VPS13B: variants seen among roughly 807,000 people sequenced by gnomAD.
VPS13B encodes the protein intermembrane lipid transfer protein VPS13B.
VPS13B carries 285 observed loss-of-function variants against 426.4 expected under a neutral mutation model. The ratio of observed to expected loss-of-function variants is 0.67; its 90% CI spans 0.61 to 0.74. The LOEUF (loss-of-function observed/expected upper bound fraction) is 0.74. Ranked by LOEUF, VPS13B falls within the 30% of genes least tolerant of loss-of-function variation. The pLI is 0.00. For missense variants in VPS13B, 4,537 were observed against 4,782.6 expected (o/e 0.95, Z 1.51); for synonymous variants, 1,676 against 1,676.4 (o/e 1.00, Z 0.01).
intron 19 of VPS13B, among the ~76,000 whole-genome samples, chr8:99,301,354 C>T (rs562044604): frequency 5.4e-5 from 8 of 147,264 alleles, no homozygotes; most frequent in South Asian, 4.3e-4. Context: ...AGTTTAATGG[C>T]GCAATCTCGG....
At chr8:99,730,611 G>C (rs968878155) in intron 39 of VPS13B, among the ~76,000 whole-genome samples, 3 of 152,104 alleles carry the variant, frequency 2.0e-5, no homozygotes, top group Non-Finnish European at 4.4e-5. Flanking sequence ...AAGGACCTGG[G>C]CTAAATGCTG....
At chr8:99,608,149 A>C (rs1295182568) in intron 33 of VPS13B, among the ~76,000 whole-genome samples, 1 of 141,930 alleles carries the variant, frequency 7.0e-6, no homozygotes, top group Non-Finnish European at 1.5e-5. Flanking sequence ...TTTTTAATCT[A>C]CTTTTTTTTT....
At chr8:99,582,944 T>C (rs971653915) in intron 33 of VPS13B, among the ~76,000 whole-genome samples, 8 of 152,348 alleles carry the variant, frequency 5.3e-5, no homozygotes, top group South Asian at 2.1e-4. Context: ...CGTGAGCCAC[T>C]GCGCCTGGCC....
intron 54 of VPS13B, among the ~76,000 whole-genome samples, chr8:99,841,342 A>G (rs1220510888): frequency 6.6e-6 from 1 of 152,302 alleles, no homozygotes; most frequent in African/African-American, 2.4e-5. Context: ...TAGACATGTC[A>G]GCCTGAAAAT....
At chr8:99,085,763 C>T (rs548124002) in intron 3 of VPS13B, among the ~76,000 whole-genome samples, 28 of 152,250 alleles carry the variant, frequency 1.8e-4, no homozygotes, top group African/African-American at 4.3e-4. Flanking sequence ...TCTTTAAGAA[C>T]GTTGAATATT....
chr8:99,875,220 A>T, intron 61 of VPS13B, 198 bp from the exon 62 acceptor site: 2 of 744,774 alleles, frequency 2.7e-6, no homozygotes, highest in Non-Finnish European at 4.5e-6. Context: ...TCTCATGCAC[A>T]ACTTTCAGTT....
chr8:99,131,607 C>G (rs1274981729), intron 8 of VPS13B, among the ~76,000 whole-genome samples: 1 of 152,064 alleles, frequency 6.6e-6, no homozygotes, highest in Non-Finnish European at 1.5e-5. Flanking sequence ...TGTTAAGTGT[C>G]CAACAGTATG....
At chr8:99,407,209 A>T (rs1319247717) in intron 21 of VPS13B, among the ~76,000 whole-genome samples, 1 of 152,214 alleles carries the variant, frequency 6.6e-6, no homozygotes, top group Non-Finnish European at 1.5e-5. Context: ...AGCCAGGGAA[A>T]CAAAGAAGAA....
At chr8:99,361,937 T>G (rs955439356) in intron 19 of VPS13B, among the ~76,000 whole-genome samples, 1 of 152,204 alleles carries the variant, frequency 6.6e-6, no homozygotes, top group Non-Finnish European at 1.5e-5. Context: ...TAGTCTCATT[T>G]TACATTTAAG....
intron 17 of VPS13B, among the ~76,000 whole-genome samples, chr8:99,252,172 T>C (rs1394541958): frequency 6.6e-6 from 1 of 152,028 alleles, no homozygotes; most frequent in Non-Finnish European, 1.5e-5. Flanking sequence ...GATTATGGAA[T>C]TAAGACTTAC....
chr8:99,417,737 C>T (rs1816108988), intron 21 of VPS13B, among the ~76,000 whole-genome samples: 1 of 152,118 alleles, frequency 6.6e-6, no homozygotes. Flanking sequence ...CACTCACTTT[C>T]TCATTATCTC....
At chr8:99,744,268 G>A (rs553877341) in intron 39 of VPS13B, among the ~76,000 whole-genome samples, 1 of 152,328 alleles carries the variant, frequency 6.6e-6, no homozygotes, top group Non-Finnish European at 1.5e-5. Context: ...ACCACAGTGA[G>A]ATACCATCTC....
At chr8:99,675,876 C>G (rs1830913279) in intron 35 of VPS13B, among the ~76,000 whole-genome samples, 1 of 151,832 alleles carries the variant, frequency 6.6e-6, no homozygotes. Context: ...ATCTGTTTTC[C>G]TGAGGCTTAT....
At chr8:99,037,733 A>G (rs933264351) in intron 2 of VPS13B, among the ~76,000 whole-genome samples, 1 of 152,160 alleles carries the variant, frequency 6.6e-6, no homozygotes, top group Admixed American at 6.5e-5. Context: ...GACATTTTTC[A>G]TGCCTAACCT....
chr8:99,578,970 C>T (rs1825908765), intron 33 of VPS13B, among the ~76,000 whole-genome samples: 1 of 152,138 alleles, frequency 6.6e-6, no homozygotes, highest in South Asian at 2.1e-4. Context: ...ACTGACAATT[C>T]CGTAAACTAT....
At chr8:99,121,109 A>T in intron 7 of VPS13B, 68 bp from the exon 8 acceptor site, 1 of 1,478,484 alleles carries the variant, frequency 6.8e-7, no homozygotes, top group South Asian at 1.3e-5. Context: ...ATTTTAAAGG[A>T]TGTCTATTTC....
intron 34 of VPS13B, among the ~76,000 whole-genome samples, chr8:99,645,126 C>G (rs528495522): frequency 1.3e-5 from 2 of 152,230 alleles, no homozygotes; most frequent in East Asian, 3.9e-4. Context: ...CAGTCAGCCT[C>G]TATTGTCCCA....
At chr8:99,818,984 T>TA in intron 47 of VPS13B, 96 bp downstream of exon 47, 1 of 458,526 alleles carries the variant, frequency 2.2e-6, no homozygotes, top group East Asian at 6.7e-5. Context: ...GAGGGGTGGG[T>TA]AGGGAGATGG....
At chr8:99,860,965 TAAGGTTTAGTA>T (rs1816802622) in intron 57 of VPS13B, among the ~76,000 whole-genome samples, 1 of 152,238 alleles carries the variant, frequency 6.6e-6, no homozygotes, top group Non-Finnish European at 1.5e-5. Context: ...TGGCAAATGA[TAAGGTTTAGTA>T]TCTCCCCCTT....
Sources: gnomAD v4.1 joint callset for allele counts (sites outside exome capture counted in the v4.1 genomes callset) on GRCh38, gnomAD v4.1.1 for gene constraint, MANE v1.5 for transcripts, NCBI Gene and HGNC (gene_info 2026-07-23, HGNC 2026-07-21) for gene names.